RHBDD1: variants seen among roughly 807,000 people sequenced by gnomAD.
RHBDD1 encodes the protein rhomboid-related protein 4.
In RHBDD1, 38 loss-of-function variants were observed where a neutral mutation model predicts 36.3. The observed-to-expected ratio is 1.05, with a 90% confidence interval of 0.81 to 1.37. The LOEUF (loss-of-function observed/expected upper bound fraction) is 1.37, where lower values mean the gene tolerates loss of function less well. Ranked by LOEUF, RHBDD1 falls within the 40% of genes most tolerant of loss-of-function variation. The pLI is 0.00. For missense variants in RHBDD1, 393 were observed against 377.6 expected (o/e 1.04, Z -0.34); for synonymous variants, 151 against 136.5 (o/e 1.11, Z -0.74).
At chr2:226,842,792 GT>G (rs1338622330) in intron 3 of RHBDD1, among the ~76,000 whole-genome samples, 1 of 151,778 alleles carries the variant, frequency 6.6e-6, no homozygotes, top group East Asian at 1.9e-4. Context: ...CCATAAAATA[GT>G]TTTATCTAAA....
intron 3 of RHBDD1, among the ~76,000 whole-genome samples, chr2:226,853,325 T>C (rs1180927627): frequency 6.6e-6 from 1 of 152,234 alleles, no homozygotes; most frequent in East Asian, 1.9e-4. Context: ...CTGGCATGCC[T>C]CTAGATCACA....
chr2:226,926,388 C>T (rs1025579916), intron 8 of RHBDD1, among the ~76,000 whole-genome samples: 10 of 152,140 alleles, frequency 6.6e-5, no homozygotes, highest in African/African-American at 9.7e-5. Context: ...TTTCAAGGTT[C>T]TGATGTTGCA....
At chr2:226,943,904 T>C (rs144276677) in intron 8 of RHBDD1, among the ~76,000 whole-genome samples, 3 of 152,346 alleles carry the variant, frequency 2.0e-5, no homozygotes, top group East Asian at 3.9e-4. Flanking sequence ...CAAAACCACA[T>C]AAACAGTGCT....
intron 8 of RHBDD1, among the ~76,000 whole-genome samples, chr2:226,916,557 C>T (rs1261578672): frequency 1.3e-5 from 2 of 151,764 alleles, no homozygotes; most frequent in Non-Finnish European, 2.9e-5. Context: ...CAAATAAAGT[C>T]AAAAGAGCCA....
chr2:226,923,149 T>C (rs1426204552), intron 8 of RHBDD1, among the ~76,000 whole-genome samples: 2 of 152,226 alleles, frequency 1.3e-5, no homozygotes, highest in African/African-American at 4.8e-5. Context: ...TTATTGCTCA[T>C]TAACATCCTT....
intron 8 of RHBDD1, among the ~76,000 whole-genome samples, chr2:226,966,377 T>C (rs1180473636): frequency 1.3e-5 from 2 of 152,144 alleles, no homozygotes; most frequent in African/African-American, 2.4e-5. Context: ...GCCTCCTCAG[T>C]AGCCCGAAAG....
intron 7 of RHBDD1, among the ~76,000 whole-genome samples, chr2:226,913,735 G>A (rs1364305971): frequency 6.6e-6 from 1 of 152,074 alleles, no homozygotes; most frequent in Non-Finnish European, 1.5e-5. Flanking sequence ...GCATCTTAAT[G>A]TTGGTATTGT....
At chr2:226,940,044 GGA>G (rs1296802648) in intron 8 of RHBDD1, among the ~76,000 whole-genome samples, 4 of 152,008 alleles carry the variant, frequency 2.6e-5, no homozygotes, top group African/African-American at 9.7e-5. Flanking sequence ...AATGGTGCTG[GGA>G]GAACTGGTTA....
the RHBDD1 span, among the ~76,000 whole-genome samples, chr2:226,801,184 G>A: frequency 6.6e-6 from 1 of 152,164 alleles, no homozygotes; most frequent in East Asian, 1.9e-4. Context: ...CGAGGCGCTG[G>A]GCATGCTCAG....
chr2:226,835,928 G>T (rs1461050988), upstream of RHBDD1: 1 of 152,418 alleles, frequency 6.6e-6, no homozygotes, highest in Non-Finnish European at 1.5e-5. Context: ...AGCAGAGCGC[G>T]GGCGCGCACA....
chr2:226,802,397 T>C, the RHBDD1 span, among the ~76,000 whole-genome samples: 1 of 152,142 alleles, frequency 6.6e-6, no homozygotes, highest in Admixed American at 6.5e-5. Context: ...AATTTAAAGG[T>C]GGTTAATATT....
intron 8 of RHBDD1, among the ~76,000 whole-genome samples, chr2:226,918,450 C>T (rs1380873719): frequency 1.3e-5 from 2 of 151,756 alleles, no homozygotes; most frequent in Non-Finnish European, 2.9e-5. Context: ...ACCCATTAAC[C>T]ATCTTCATTT....
intron 5 of RHBDD1, among the ~76,000 whole-genome samples, chr2:226,902,956 T>C (rs1199037755): frequency 1.3e-5 from 2 of 152,240 alleles, no homozygotes; most frequent in Non-Finnish European, 2.9e-5. Context: ...AGTTTTAAAT[T>C]GAAACTTCCT....
chr2:226,972,938 A>AC (rs1468916115), intron 8 of RHBDD1, among the ~76,000 whole-genome samples: 3 of 151,888 alleles, frequency 2.0e-5, no homozygotes, highest in Non-Finnish European at 2.9e-5. Context: ...GCAAAAAAAA[A>AC]AAAAAAACAA....
intron 8 of RHBDD1, 56 bp from the exon 9 acceptor site, chr2:226,995,375 A>G: frequency 6.5e-6 from 7 of 1,076,246 alleles, no homozygotes; most frequent in Non-Finnish European, 1.0e-5. Flanking sequence ...ATCCTAGGGT[A>G]CACATGCCTT....
intron 8 of RHBDD1, among the ~76,000 whole-genome samples, chr2:226,993,975 C>T (rs1388408420): frequency 6.6e-6 from 1 of 152,234 alleles, no homozygotes; most frequent in African/African-American, 2.4e-5. Flanking sequence ...CCTGGCTTAA[C>T]TGTGCTTTGC....
At chr2:226,956,709 A>G (rs1951812349) in intron 8 of RHBDD1, among the ~76,000 whole-genome samples, 3 of 152,330 alleles carry the variant, frequency 2.0e-5, no homozygotes, top group African/African-American at 7.2e-5. Context: ...GTGCTCAGAA[A>G]CGTTAGGACA....
the RHBDD1 span, among the ~76,000 whole-genome samples, chr2:226,818,733 G>T: frequency 6.6e-6 from 1 of 151,842 alleles, no homozygotes; most frequent in East Asian, 2.0e-4. Flanking sequence ...TAGCTACTTG[G>T]GAGGCTGAGG....
chr2:226,888,760 A>C lies in RHBDD1; in HGVS notation c.567-18033A>C, dbSNP rs1165126420. Among the ~76,000 whole-genome samples the C allele has an allele frequency of 2.0e-5, 3 of 152,252 alleles. No homozygotes were observed. The East Asian group carries it at 5.8e-4, about 29-fold the overall frequency. ...TAAAGGGAGACACATTTTCTTTTTTATCATTATTGTTATGTCTACAATTTG... is the reference window on the plus strand; with the variant it reads ...TAAAGGGAGACACATTTTCTTTTTTCTCATTATTGTTATGTCTACAATTTG... On this transcript the variant is annotated intron_variant, in intron 5 of 8. Transcript: ENST00000392062.
Sources: gnomAD v4.1 joint callset for allele counts (sites outside exome capture counted in the v4.1 genomes callset) on GRCh38, gnomAD v4.1.1 for gene constraint, MANE v1.5 for transcripts, NCBI Gene and HGNC (gene_info 2026-07-23, HGNC 2026-07-21) for gene names.